The following DOCK10 variants were observed in gnomAD, a reference collection of about 807,000 sequenced individuals.
DOCK10 encodes dedicator of cytokinesis protein 10.
Under a neutral mutation model 280.1 loss-of-function variants are expected in DOCK10, and 145 were observed. That is an observed-to-expected ratio of 0.52 (90% CI 0.45 to 0.59). The LOEUF is 0.59. DOCK10 is among the 20% of genes least tolerant of loss of function. The pLI is 0.00. For synonymous variants in DOCK10, 915 were observed against 942.2 expected (o/e 0.97, Z 0.53); for missense variants, 2,368 against 2,651.7 (o/e 0.89, Z 2.35).
intron 1 of DOCK10, among the ~76,000 whole-genome samples, chr2:224,967,940 G>A (rs570942048): frequency 1.3e-5 from 2 of 152,012 alleles, no homozygotes; most frequent in Non-Finnish European, 2.9e-5. Flanking sequence ...AAATGGAGAG[G>A]CTTTACTCTG....
intron 3 of DOCK10, among the ~76,000 whole-genome samples, chr2:224,913,085 AT>A (rs1701124924): frequency 6.6e-6 from 1 of 152,110 alleles, no homozygotes; most frequent in Non-Finnish European, 1.5e-5. Context: ...AATAGATATA[AT>A]TTTTTATTTG....
At chr2:224,788,317 A>G (rs1370729927) in intron 48 of DOCK10, among the ~76,000 whole-genome samples, 2 of 152,216 alleles carry the variant, frequency 1.3e-5, no homozygotes, top group African/African-American at 4.8e-5. Flanking sequence ...ATAAAGTTAT[A>G]TAAGCTTTAA....
At chr2:224,864,511 A>C (rs1697736135) in intron 13 of DOCK10, 42 bp downstream of exon 13, 1 of 1,502,028 alleles carries the variant, frequency 6.7e-7, no homozygotes, top group African/African-American at 1.4e-5. Flanking sequence ...CTCTATTAAA[A>C]AAAAAAAAGG....
chr2:224,800,365 T>C, intron 40 of DOCK10, 102 bp from the exon 41 acceptor site: 1 of 597,324 alleles, frequency 1.7e-6, no homozygotes, highest in Non-Finnish European at 2.9e-6. Flanking sequence ...TTGCTGGCAT[T>C]TTGATTAATA....
At chr2:225,016,755 T>G (rs1260390291) in intron 1 of DOCK10, among the ~76,000 whole-genome samples, 4 of 150,854 alleles carry the variant, frequency 2.7e-5, no homozygotes, top group Non-Finnish European at 3.0e-5. Flanking sequence ...CAGGCTGGAG[T>G]GCAGTGGTGA....
At chr2:225,000,003 C>T (rs1040928054) in intron 1 of DOCK10, among the ~76,000 whole-genome samples, 1 of 152,196 alleles carries the variant, frequency 6.6e-6, no homozygotes, top group Non-Finnish European at 1.5e-5. Flanking sequence ...GAAGCAGGAA[C>T]TGCTGAATTG....
chr2:224,960,262 A>G (rs929661931), intron 1 of DOCK10, among the ~76,000 whole-genome samples: 69 of 152,124 alleles, frequency 4.5e-4, no homozygotes, highest in African/African-American at 1.5e-3. Flanking sequence ...CTCTTCCTCC[A>G]GTCTGAGGGG....
intron 7 of DOCK10, among the ~76,000 whole-genome samples, chr2:224,878,061 G>T (rs1698750166): frequency 6.6e-6 from 1 of 152,148 alleles, no homozygotes; most frequent in South Asian, 2.1e-4. Context: ...TGGGATTGTG[G>T]CTAAATAACA....
intron 1 of DOCK10, among the ~76,000 whole-genome samples, chr2:224,980,382 G>A (rs1281365640): frequency 6.6e-6 from 1 of 152,234 alleles, no homozygotes; most frequent in East Asian, 1.9e-4. Context: ...TGTAGACTAA[G>A]TGTCACAATT....
chr2:224,802,530 G>A (rs1693083003), intron 39 of DOCK10, among the ~76,000 whole-genome samples: 1 of 152,154 alleles, frequency 6.6e-6, no homozygotes, highest in Non-Finnish European at 1.5e-5. Flanking sequence ...CTGATGTCAT[G>A]TCCACAGGGG....
At chr2:224,938,140 A>G (rs1575085877) in intron 1 of DOCK10, among the ~76,000 whole-genome samples, 1 of 152,182 alleles carries the variant, frequency 6.6e-6, no homozygotes, top group Admixed American at 6.5e-5. Context: ...TAGTCTTTTC[A>G]AGAAACATTA....
At position 224,843,502 on chromosome 2, in the gene DOCK10, T is replaced by C. The variant is rs150883571; in HGVS notation, c.2568+1251A>G. On this transcript the variant is annotated intron_variant, in intron 22 of 55. Coordinates refer to ENST00000258390, the MANE Select transcript of DOCK10 (RefSeq NM_014689.3). Reference sequence around the variant, plus strand: ...TCAGAGAAAAGATGGGTTTAAATCATTGTGGGTGCAGGGCTAGGGATAAGA... The same window carrying C: ...TCAGAGAAAAGATGGGTTTAAATCACTGTGGGTGCAGGGCTAGGGATAAGA... Among the ~76,000 whole-genome samples, 684 of 152,228 alleles carry C rather than the reference T, an allele frequency of 4.5e-3. 3 individuals are homozygous for C. The highest frequency in any genetic ancestry group is 0.015 in the African/African-American group (631 of 41,538).
chr2:224,939,140 A>C (rs527261703), intron 1 of DOCK10, among the ~76,000 whole-genome samples: 1 of 152,362 alleles, frequency 6.6e-6, no homozygotes, highest in Non-Finnish European at 1.5e-5. Context: ...GTCTTAGTCC[A>C]TTTCAGTGAC....
chr2:224,866,556 C>A (rs1319681756), intron 11 of DOCK10, among the ~76,000 whole-genome samples: 1 of 152,166 alleles, frequency 6.6e-6, no homozygotes, highest in African/African-American at 2.4e-5. Context: ...ACACAACCCA[C>A]CCTAGTCTTC....
intron 1 of DOCK10, among the ~76,000 whole-genome samples, chr2:224,935,168 CAT>C (rs1366617206): frequency 1.3e-5 from 2 of 152,180 alleles, no homozygotes; most frequent in Non-Finnish European, 2.9e-5. Flanking sequence ...GTAAAACTGT[CAT>C]CTTTGTAATA....
rs1184727619 is a variant in DOCK10 at position 224,830,587 on chromosome 2, A to G, written c.2990T>C (p.Ile997Thr). The stretch of plus-strand genomic sequence containing the variant: ...CAAGTGCTGTGCCATCGATTTTAGG[A>G]TAATTGCAAAGAAGAACCAGGAATG... Reference protein sequence around the residue: ...LKHSWFFFAIILKSMAQHLID... With the variant: ...LKHSWFFFAITLKSMAQHLID... Residue 997 changes from isoleucine to threonine, a missense_variant, in exon 27 of 56, where the codon ATC (isoleucine) becomes ACC (threonine). By Grantham distance (89) the Ile-to-Thr change is moderately conservative. Transcript: ENST00000258390. The G allele has an allele frequency of 2.0e-6, 3 of 1,537,510 alleles. No individual in the cohort carries two copies. Among genetic ancestry groups the G allele is most frequent in the African/African-American group, 2.7e-5 (2 of 73,538 alleles).
intron 2 of DOCK10, among the ~76,000 whole-genome samples, chr2:224,918,385 T>C (rs1018783107): frequency 6.8e-6 from 1 of 148,008 alleles, no homozygotes; most frequent in African/African-American, 2.5e-5. Flanking sequence ...GTGCAATGAG[T>C]GTGTGGAGTG....
At chr2:224,862,023 G>A (rs866769789) in intron 14 of DOCK10, 5 of 152,208 alleles carry the variant, frequency 3.3e-5, no homozygotes, top group Admixed American at 2.0e-4. Flanking sequence ...AGATTGATGA[G>A]GACAATCATA....
At position 224,805,626 on chromosome 2, in the gene DOCK10, A is replaced by T. The variant is rs540802612; in HGVS notation, c.3815-97T>A. The T allele has an allele frequency of 2.7e-6, 4 of 1,493,774 alleles. No individual in the cohort carries two copies. In the African/African-American group the frequency reaches 5.5e-5, roughly 21 times the overall value. The allele number at this position is 1,493,774 out of a possible 1,614,324, so 92.5% of individuals were successfully genotyped here. On this transcript the variant is annotated intron_variant, in intron 34 of 55. Transcript: ENST00000258390. The surrounding 1 kb of genome is among the most constrained non-coding windows in gnomAD (Gnocchi z 4.3). ...ATGAACCAAAAAGATGTTGATACTG[A>T]GGTAGCAGCAGTGTTGTCAAAGACC... is the stretch of plus-strand genomic sequence containing the variant.
Sources: gnomAD v4.1 joint callset for allele counts (sites outside exome capture counted in the v4.1 genomes callset) on GRCh38, gnomAD v4.1.1 for gene constraint, Gnocchi (gnomAD v3.1) non-coding constraint, MANE v1.5 for transcripts, NCBI Gene and HGNC (gene_info 2026-07-23, HGNC 2026-07-21) for gene names.